Variants in MECR observed in about 807,000 individuals in gnomAD.
MECR encodes mitochondrial trans-2-enoyl-CoA reductase, also known as enoyl-[acyl-carrier-protein] reductase, mitochondrial.
In MECR, 37 loss-of-function variants were observed where a neutral mutation model predicts 49.1. The ratio of observed to expected loss-of-function variants is 0.75; its 90% confidence interval spans 0.58 to 0.99. The LOEUF is 0.99. Ranked by LOEUF, MECR falls within the 50% of genes least tolerant of loss-of-function variation. MECR has a pLI of 0.00. For synonymous variants in MECR, 198 were observed against 191.1 expected, an observed-to-expected ratio of 1.04 and a Z score of -0.30; for missense variants, 470 against 479.6, an observed-to-expected ratio of 0.98 and a Z score of 0.19.
downstream of MECR, among the ~76,000 whole-genome samples, chr1:29,188,618 G>A (rs895325993): frequency 2.6e-5 from 4 of 151,722 alleles, no homozygotes; most frequent in Non-Finnish European, 5.9e-5. Context: ...GTGCGCTCAA[G>A]CTTTTTTTTA....
At chr1:29,175,519 C>T in the MECR span, among the ~76,000 whole-genome samples, 18 of 150,296 alleles carry the variant, frequency 1.2e-4, no homozygotes, top group East Asian at 2.0e-3. Context: ...CACAGTGAAA[C>T]CCCGTCTCTA....
At chr1:29,194,490 G>A (rs1470580891) in intron 9 of MECR, among the ~76,000 whole-genome samples, 5 of 152,228 alleles carry the variant, frequency 3.3e-5, no homozygotes, top group Admixed American at 1.3e-4. Flanking sequence ...AGTGGAGACA[G>A]GAGCACTGAA....
At chr1:29,213,008 C>A (rs1678411829) in intron 3 of MECR, among the ~76,000 whole-genome samples, 1 of 152,254 alleles carries the variant, frequency 6.6e-6, no homozygotes, top group African/African-American at 2.4e-5. Flanking sequence ...CTTCCAGCAG[C>A]TCTTCCAGAC....
At chr1:29,205,880 C>T (rs1676466355) in intron 4 of MECR, among the ~76,000 whole-genome samples, 1 of 152,106 alleles carries the variant, frequency 6.6e-6, no homozygotes, top group Non-Finnish European at 1.5e-5. Flanking sequence ...ATGGGCTTTG[C>T]CTCCATCTCT....
the MECR span, among the ~76,000 whole-genome samples, chr1:29,186,197 C>G: frequency 2.0e-5 from 3 of 152,240 alleles, no homozygotes; most frequent in African/African-American, 7.2e-5. Flanking sequence ...TGCATTCAGT[C>G]TGTCCTTCTG....
At chr1:29,174,675 G>GTTT in the MECR span, among the ~76,000 whole-genome samples, 5 of 130,692 alleles carry the variant, frequency 3.8e-5, no homozygotes, top group African/African-American at 1.4e-4. Flanking sequence ...CAGGAGATAG[G>GTTT]TTTTTTTTTT....
the MECR span, chr1:29,182,033 G>GGGGCAAGGTGATCGACA: frequency 1.3e-5 from 4 of 304,010 alleles, no homozygotes; most frequent in Non-Finnish European, 1.8e-5. Context: ...GACGTGCGGC[G>GGGGCAAGGTGATCGACA]GGGCAAGGTG....
chr1:29,189,499 C>T (rs774831375), downstream of MECR, among the ~76,000 whole-genome samples: 17 of 152,314 alleles, frequency 1.1e-4, no homozygotes, highest in East Asian at 5.8e-4. Context: ...AGGCATGAGC[C>T]GCTGTGCCCG....
chr1:29,190,851 T>A (rs1673108929), downstream of MECR, among the ~76,000 whole-genome samples: 1 of 151,572 alleles, frequency 6.6e-6, no homozygotes, highest in African/African-American at 2.4e-5. Context: ...CTAACACCTC[T>A]GCTTACATCA....
the MECR span, chr1:29,181,831 GCGGCGGCGGCGGCAA>G: frequency 8.5e-7 from 1 of 1,177,254 alleles, no homozygotes; most frequent in South Asian, 2.1e-5. Flanking sequence ...CACGGCGGCA[GCGGCGGCGGCGGCAA>G]CGGGCGGGCG....
At chr1:29,213,366 G>A (rs1382546232) in intron 3 of MECR, among the ~76,000 whole-genome samples, 5 of 152,176 alleles carry the variant, frequency 3.3e-5, no homozygotes, top group African/African-American at 1.2e-4. Flanking sequence ...CCTGATCTCA[G>A]AGAAGCAAAG....
chr1:29,216,994 C>T (rs1327877460), intron 1 of MECR, among the ~76,000 whole-genome samples: 4 of 151,532 alleles, frequency 2.6e-5, no homozygotes, highest in South Asian at 2.1e-4. Flanking sequence ...ATTAGCTGGG[C>T]GTGGTGGTCG....
At chr1:29,174,501 A>G in the MECR span, among the ~76,000 whole-genome samples, 1 of 152,146 alleles carries the variant, frequency 6.6e-6, no homozygotes, top group South Asian at 2.1e-4. Flanking sequence ...TTGGAGTACT[A>G]TGTAGCCATT....
At chr1:29,206,633 A>G in intron 4 of MECR, 129 bp downstream of exon 4, 3 of 1,034,340 alleles carry the variant, frequency 2.9e-6, no homozygotes, top group Non-Finnish European at 4.2e-6. Flanking sequence ...AACAACATTC[A>G]CCCAGGTGAG....
chr1:29,184,101 A>T, the MECR span, among the ~76,000 whole-genome samples: 1 of 146,790 alleles, frequency 6.8e-6, no homozygotes. Context: ...GCTGGTCTTG[A>T]TCTCCTGACC....
chr1:29,212,486 A>C (rs1270241973), intron 3 of MECR, among the ~76,000 whole-genome samples: 1 of 152,170 alleles, frequency 6.6e-6, no homozygotes, highest in Non-Finnish European at 1.5e-5. Context: ...GGGTACCCCC[A>C]CCACCACATG....
At chr1:29,196,915 A>T (rs1420917596) in intron 7 of MECR, among the ~76,000 whole-genome samples, 1 of 152,042 alleles carries the variant, frequency 6.6e-6, no homozygotes, top group African/African-American at 2.4e-5. Flanking sequence ...TGAGGTGGGA[A>T]GATCACTTGA....
intron 3 of MECR, among the ~76,000 whole-genome samples, chr1:29,211,167 C>T (rs1364774703): frequency 6.7e-6 from 1 of 149,762 alleles, no homozygotes; most frequent in African/African-American, 2.5e-5. Context: ...ACTTCTGCTT[C>T]CTGGTCTCGA....
chr1:29,200,994 C>A (rs966486190), intron 6 of MECR, among the ~76,000 whole-genome samples: 2 of 152,140 alleles, frequency 1.3e-5, no homozygotes, highest in African/African-American at 4.8e-5. Context: ...AGAGGTCTCA[C>A]TATGTTGCTC....
Sources: gnomAD v4.1 joint callset for allele counts (sites outside exome capture counted in the v4.1 genomes callset) on GRCh38, gnomAD v4.1.1 for gene constraint, MANE v1.5 for transcripts, NCBI Gene and HGNC (gene_info 2026-07-23, HGNC 2026-07-21) for gene names.